The following WSB2 variants were observed in gnomAD, a reference collection of about 807,000 sequenced individuals.
WSB2 encodes WD repeat and SOCS box-containing protein 2.
WSB2 carries 12 observed loss-of-function variants against 48.8 expected under a neutral mutation model. The observed-to-expected ratio is 0.25, with a 90% CI of 0.16 to 0.40. The LOEUF is 0.40. WSB2 is among the 10% of genes least tolerant of loss of function. The pLI, the probability that WSB2 is intolerant of heterozygous loss-of-function variation, is 1.00. For synonymous variants in WSB2, 191 were observed against 203.1 expected (o/e 0.94, Z 0.51); for missense variants, 317 against 506.2 (o/e 0.63, Z 3.59).
intron 2 of WSB2, among the ~76,000 whole-genome samples, chr12:118,050,320 G>A (rs564321034): frequency 2.0e-5 from 3 of 152,246 alleles, no homozygotes; most frequent in Non-Finnish European, 2.9e-5. Flanking sequence ...TGACACTGGG[G>A]CTTGTCCATC....
intron 2 of WSB2, among the ~76,000 whole-genome samples, chr12:118,049,086 A>G (rs924592276): frequency 1.3e-5 from 2 of 152,254 alleles, no homozygotes; most frequent in African/African-American, 4.8e-5. Flanking sequence ...AGAGCAGACT[A>G]TAGAATTTAT....
chr12:118,036,170 C>G lies in WSB2; in HGVS notation c.833+168G>C, dbSNP rs573195798. The G allele has an allele frequency of 2.8e-5, 23 of 821,572 alleles. No homozygotes were observed. In the African/African-American group the frequency reaches 3.4e-4, roughly 12 times the overall value. 50.9% of individuals were successfully genotyped at this position (821,572 alleles called of 1,614,324 possible). On this transcript the variant is annotated intron_variant, in intron 6 of 8. Coordinates refer to ENST00000315436, the MANE Select transcript of WSB2 (RefSeq NM_018639.5). ...TGATCCAAGATTGCGCCACTGCACTCCAGCCTGGGTGACAGAGCGAGACTC... is the reference window on the plus strand; with the variant it reads ...TGATCCAAGATTGCGCCACTGCACTGCAGCCTGGGTGACAGAGCGAGACTC...
At chr12:118,038,781 AG>A (rs1422954946) in intron 4 of WSB2, among the ~76,000 whole-genome samples, 5 of 152,070 alleles carry the variant, frequency 3.3e-5, no homozygotes, top group Non-Finnish European at 5.9e-5. Context: ...CCCAAGTTGA[AG>A]CGATTCTCCT....
intron 4 of WSB2, among the ~76,000 whole-genome samples, chr12:118,039,592 C>T (rs1324148589): frequency 6.6e-6 from 1 of 151,778 alleles, no homozygotes; most frequent in Non-Finnish European, 1.5e-5. Context: ...AGGATGGCAA[C>T]AGCAGGGAGG....
At chr12:118,047,549 T>C (rs898154921) in intron 2 of WSB2, among the ~76,000 whole-genome samples, 3 of 152,248 alleles carry the variant, frequency 2.0e-5, no homozygotes, top group African/African-American at 7.2e-5. Context: ...CCAAATTCTC[T>C]CTTTTAAAAT....
chr12:118,043,125 T>C lies in WSB2; in HGVS notation c.427+8A>G. The C allele has an allele frequency of 6.2e-7, 1 of 1,614,170 alleles. No homozygotes were observed. The highest frequency in any genetic ancestry group is 1.3e-5 in the African/African-American group (1 of 75,054). ...CCCAGAACCTTGTGCCAGCCAGGAA[T>C]GACCTACCTGTCTGCACCTCCCAGA... On this transcript the variant is annotated splice_region_variant and intron_variant, in intron 3 of 8. Coordinates refer to ENST00000315436, the MANE Select transcript of WSB2 (RefSeq NM_018639.5).
At chr12:118,045,875 T>G (rs866744445) in intron 2 of WSB2, among the ~76,000 whole-genome samples, 20 of 152,320 alleles carry the variant, frequency 1.3e-4, no homozygotes, top group African/African-American at 4.8e-4. Flanking sequence ...CCACCCCCGG[T>G]AACCACCATT....
At chr12:118,052,951 G>A (rs910900796) in intron 1 of WSB2, among the ~76,000 whole-genome samples, 3 of 152,096 alleles carry the variant, frequency 2.0e-5, no homozygotes, top group Non-Finnish European at 2.9e-5. Context: ...GGCTAAAAAC[G>A]TTCAGCCCTT....
chr12:118,040,564 C>T (rs2031615038), intron 4 of WSB2, among the ~76,000 whole-genome samples: 1 of 151,700 alleles, frequency 6.6e-6, no homozygotes, highest in Non-Finnish European at 1.5e-5. Context: ...AGTGCAAGAC[C>T]AGCCTGACCT....
At chr12:118,048,900 A>C (rs1283692882) in intron 2 of WSB2, among the ~76,000 whole-genome samples, 2 of 152,206 alleles carry the variant, frequency 1.3e-5, no homozygotes, top group Non-Finnish European at 2.9e-5. Flanking sequence ...CATGCTCCAC[A>C]CTAGACCCTG....
At position 118,043,331 on chromosome 12, in the gene WSB2, T is replaced by C; in HGVS notation, c.229A>G (p.Thr77Ala). The part of the protein sequence containing the change: ...EAKSRSSKNE[T>A]KGRGSPKEKT... ...TCTTTTGGGCTGCCCCGCCCTTTCG[T>C]CTCATTTTTGCTACTTCGGCTTTTG... The change falls in exon 3 of 9, where the codon ACG (threonine) becomes GCG (alanine). Residue 77 changes from threonine to alanine, a missense_variant. Coordinates refer to ENST00000315436, the MANE Select transcript of WSB2 (RefSeq NM_018639.5). 6.3e-7 allele frequency: 1 copy of C among 1,598,258 alleles called. No individual in the cohort carries two copies.
intron 2 of WSB2, among the ~76,000 whole-genome samples, chr12:118,047,678 A>C (rs766898751): frequency 2.6e-5 from 4 of 152,130 alleles, no homozygotes; most frequent in Non-Finnish European, 4.4e-5. Context: ...ATGCCACTGT[A>C]CTCCAGCCTG....
At chr12:118,048,057 G>A (rs1458212633) in intron 2 of WSB2, among the ~76,000 whole-genome samples, 1 of 152,050 alleles carries the variant, frequency 6.6e-6, no homozygotes, top group Non-Finnish European at 1.5e-5. Flanking sequence ...CTCCTGAGTA[G>A]CTAGGACCAC....
intron 4 of WSB2, chr12:118,042,602 T>A: frequency 2.0e-6 from 1 of 499,926 alleles, no homozygotes; most frequent in Non-Finnish European, 3.5e-6. Flanking sequence ...ATATCTTCGA[T>A]ATTAAAATAG....
intron 5 of WSB2, 109 bp downstream of exon 5, chr12:118,038,179 T>G: frequency 9.6e-7 from 1 of 1,041,224 alleles, no homozygotes; most frequent in Non-Finnish European, 1.4e-6. Context: ...CCAGCATGCC[T>G]TCTATTGGGG....
Position 118,043,320 on chromosome 12 carries a change from C to T in WSB2, c.240G>A (p.Arg80=), listed in dbSNP as rs755582838. 1.0e-5 allele frequency: 16 copies of T among 1,604,572 alleles called. No individual in the cohort carries two copies. Among genetic ancestry groups the T allele is most frequent in the Non-Finnish European group, 1.4e-5 (16 of 1,175,338 alleles). The change falls in exon 3 of 9, where the codon CGG becomes CGA. Residue 80 remains arginine, a synonymous_variant. Coordinates refer to ENST00000315436, the MANE Select transcript of WSB2 (RefSeq NM_018639.5). ...CCAGCGTCTTCTCTTTTGGGCTGCC[C>T]CGCCCTTTCGTCTCATTTTTGCTAC... ...SRSSKNETKG[R]GSPKEKTLDC...
intron 1 of WSB2, among the ~76,000 whole-genome samples, chr12:118,054,339 C>T (rs11068790): frequency 0.11 from 16,804 of 151,392 alleles, 1,443 homozygotes; most frequent in East Asian, 0.42. Flanking sequence ...TACAGTGAGC[C>T]GAGATCGTGC....
At chr12:118,050,577 T>C (rs150124134) in intron 2 of WSB2, among the ~76,000 whole-genome samples, 48 of 152,102 alleles carry the variant, frequency 3.2e-4, no homozygotes, top group Non-Finnish European at 5.7e-4. Flanking sequence ...AGGTTGAGGC[T>C]GCAGTGAGCC....
chr12:118,043,980 G>A (rs183886474), intron 2 of WSB2, among the ~76,000 whole-genome samples: 4 of 151,542 alleles, frequency 2.6e-5, no homozygotes, highest in Admixed American at 6.6e-5. Context: ...TTCGCCGGGC[G>A]TAGTGGCGGG....
Sources: allele counts gnomAD v4.1 joint callset (sites outside exome capture counted in the v4.1 genomes callset), GRCh38; gene constraint gnomAD v4.1.1; transcripts MANE v1.5; gene names NCBI Gene and HGNC (gene_info 2026-07-23, HGNC 2026-07-21).